Variants in RANBP17 observed in about 807,000 individuals in gnomAD.
The protein encoded by RANBP17 is ran-binding protein 17.
Under a neutral mutation model 141.2 loss-of-function variants are expected in RANBP17, and 158 were observed. That is an observed-to-expected ratio of 1.12 (90% CI 0.98 to 1.28). The LOEUF (loss-of-function observed/expected upper bound fraction) is 1.28, where lower values mean the gene tolerates loss of function less well. RANBP17 is among the 50% of genes most tolerant of loss of function. The probability of loss-of-function intolerance (pLI) is 0.00; values close to 1 mark genes in which losing one functional copy is unlikely to be tolerated. For synonymous variants in RANBP17, 430 were observed against 450.0 expected, an observed-to-expected ratio of 0.96 and a Z score of 0.56; for missense variants, 1,438 against 1,290.7, an observed-to-expected ratio of 1.11 and a Z score of -1.75.
At chr5:171,159,782 G>A (rs564414514) in intron 14 of RANBP17, among the ~76,000 whole-genome samples, 2 of 151,930 alleles carry the variant, frequency 1.3e-5, no homozygotes, top group East Asian at 3.9e-4. Context: ...ACTTAGCTGG[G>A]CGTGGTGGCA....
At chr5:171,021,223 C>G (rs1041701454) in intron 14 of RANBP17, among the ~76,000 whole-genome samples, 2 of 152,210 alleles carry the variant, frequency 1.3e-5, no homozygotes, top group East Asian at 3.9e-4. Flanking sequence ...GCATTTCAAC[C>G]TTGGAGGATG....
chr5:170,947,699 G>C (rs1353358385), intron 12 of RANBP17, among the ~76,000 whole-genome samples: 2 of 152,084 alleles, frequency 1.3e-5, no homozygotes, highest in Non-Finnish European at 2.9e-5. Context: ...GTGTGTGCTG[G>C]AATGCTTAGA....
At chr5:170,949,929 A>G (rs775219274) in intron 12 of RANBP17, among the ~76,000 whole-genome samples, 5 of 152,172 alleles carry the variant, frequency 3.3e-5, no homozygotes, top group Non-Finnish European at 5.9e-5. Context: ...CAGAATAGAA[A>G]ACCCATAAGT....
chr5:171,259,665 C>T lies in RANBP17; in HGVS notation c.2777-6016C>T, dbSNP rs371912097. On this transcript the variant is annotated intron_variant, in intron 24 of 27. Transcript: ENST00000523189. ...ATGTGGGAGCTCAAAAATTTAATCA[C>T]GTGGAGGTAGAGAATGGAAAGATAG... Among the ~76,000 whole-genome samples, 53 of 152,236 alleles carry T rather than the reference C, an allele frequency of 3.5e-4. No homozygotes were observed. The South Asian group carries it at 1.0e-2, about 29-fold the overall frequency.
At chr5:170,923,401 A>C (rs1038506036) in intron 11 of RANBP17, among the ~76,000 whole-genome samples, 6 of 152,222 alleles carry the variant, frequency 3.9e-5, no homozygotes, top group Non-Finnish European at 8.8e-5. Flanking sequence ...TAGGTTTATA[A>C]TAAGCTTTGA....
At chr5:171,192,322 G>T (rs139362132) in intron 18 of RANBP17, among the ~76,000 whole-genome samples, 42 of 152,274 alleles carry the variant, frequency 2.8e-4, no homozygotes, top group Admixed American at 7.2e-4. Flanking sequence ...GGCCCTGTAG[G>T]CAGAAAGCAG....
At chr5:171,137,249 A>T (rs1757349214) in intron 14 of RANBP17, among the ~76,000 whole-genome samples, 1 of 152,134 alleles carries the variant, frequency 6.6e-6, no homozygotes, top group Non-Finnish European at 1.5e-5. Context: ...GTCTCTTACA[A>T]TTTGAAAGTT....
intron 14 of RANBP17, among the ~76,000 whole-genome samples, chr5:171,088,581 C>A (rs964815150): frequency 1.3e-5 from 2 of 152,192 alleles, no homozygotes; most frequent in Non-Finnish European, 2.9e-5. Flanking sequence ...TCCATTCTCC[C>A]CGTCACTTTC....
chr5:171,237,970 T>C (rs894458225), intron 22 of RANBP17, among the ~76,000 whole-genome samples: 2 of 152,164 alleles, frequency 1.3e-5, no homozygotes, highest in African/African-American at 4.8e-5. Context: ...TTTCAGTAAG[T>C]ATTGCTGAAT....
chr5:171,196,072 G>A (rs997422267), intron 18 of RANBP17, among the ~76,000 whole-genome samples: 12 of 152,152 alleles, frequency 7.9e-5, no homozygotes, highest in African/African-American at 2.7e-4. Context: ...GGGAACTTAC[G>A]TCCTAATAGG....
chr5:171,034,631 C>CAG, intron 14 of RANBP17, among the ~76,000 whole-genome samples: 1 of 152,180 alleles, frequency 6.6e-6, no homozygotes. Context: ...CGGTTCATTT[C>CAG]ATCACTTCAT....
At chr5:170,931,045 T>G (rs954902468) in intron 12 of RANBP17, among the ~76,000 whole-genome samples, 7 of 152,234 alleles carry the variant, frequency 4.6e-5, no homozygotes, top group African/African-American at 1.7e-4. Flanking sequence ...AAAGCGTTCC[T>G]ATTTCTCCAC....
intron 14 of RANBP17, among the ~76,000 whole-genome samples, chr5:171,140,697 TGTG>T (rs1757628135): frequency 1.3e-5 from 2 of 152,344 alleles, no homozygotes; most frequent in South Asian, 2.1e-4. Flanking sequence ...AAACTTTTAT[TGTG>T]GTGGTAGTTA....
At chr5:170,894,840 A>AT (rs1428279471) in intron 4 of RANBP17, among the ~76,000 whole-genome samples, 1 of 152,184 alleles carries the variant, frequency 6.6e-6, no homozygotes, top group African/African-American at 2.4e-5. Flanking sequence ...GTAAATGAAC[A>AT]TAGTGCCTTC....
chr5:171,092,808 A>G (rs1342354407), intron 14 of RANBP17, among the ~76,000 whole-genome samples: 1 of 152,224 alleles, frequency 6.6e-6, no homozygotes, highest in African/African-American at 2.4e-5. Context: ...CCTGTGCACT[A>G]CAAGGAGCTT....
chr5:170,978,115 T>C (rs1053344640), intron 14 of RANBP17, among the ~76,000 whole-genome samples: 1 of 152,142 alleles, frequency 6.6e-6, no homozygotes, highest in Non-Finnish European at 1.5e-5. Context: ...TGTTCAGTAT[T>C]ATTAGTCATC....
In RANBP17 at chr5:171,205,550, T is replaced by C; in HGVS notation, c.2169T>C (p.Asp723=). The C allele has an allele frequency of 1.9e-6, 3 of 1,613,988 alleles. No homozygotes were observed. The highest frequency in any genetic ancestry group is 2.5e-6 in the Non-Finnish European group (3 of 1,179,930). The part of the protein sequence containing the change: ...VKRMLIGLAR[D]LRGIAFALNT... ...GTATGTTGATCGGGCTGGCAAGAGA[T>C]CTTCGAGGGATTGCCTTTGCACTGA... is the stretch of plus-strand genomic sequence containing the variant. Residue 723 remains aspartate (D), a synonymous_variant, in exon 20 of 28, where the codon GAT becomes GAC. Coordinates refer to ENST00000523189, the MANE Select transcript of RANBP17 (RefSeq NM_022897.5).
chr5:171,179,360 G>A (rs1263309401), intron 16 of RANBP17, among the ~76,000 whole-genome samples: 1 of 151,988 alleles, frequency 6.6e-6, no homozygotes, highest in African/African-American at 2.4e-5. Flanking sequence ...GTCTGTTTGT[G>A]TGTGTGTATA....
chr5:171,052,534 G>A (rs570652788), intron 14 of RANBP17, among the ~76,000 whole-genome samples: 1 of 152,214 alleles, frequency 6.6e-6, no homozygotes, highest in South Asian at 2.1e-4. Context: ...TTTATCCATA[G>A]ATTATAGGGT....
Sources: gnomAD v4.1 joint callset for allele counts (sites outside exome capture counted in the v4.1 genomes callset) on GRCh38, gnomAD v4.1.1 for gene constraint, MANE v1.5 for transcripts, NCBI Gene and HGNC (gene_info 2026-07-23, HGNC 2026-07-21) for gene names.